AGL: variants seen among roughly 807,000 people sequenced by gnomAD.
The protein encoded by AGL is amylo-alpha-1,6-glucosidase and 4-alpha-glucanotransferase.
AGL carries 128 observed loss-of-function variants against 199.3 expected under a neutral mutation model. That is an observed-to-expected ratio of 0.64 (90% CI 0.56 to 0.74). AGL has a LOEUF of 0.74. Ranked by LOEUF, AGL falls within the 30% of genes least tolerant of loss-of-function variation. The pLI is 0.00. For synonymous variants in AGL, 584 were observed against 594.7 expected (o/e 0.98, Z 0.26); for missense variants, 1,809 against 1,820.8 (o/e 0.99, Z 0.12).
rs1570441916 is a variant in AGL, at chr1:99,879,905, T to A, written c.1612-18T>A. Reference sequence around the variant, plus strand: ...CTGTTACATTTATTTGTTACATTTGTCACTGTGCTTTTTACAGTACATGTT... The same window carrying A: ...CTGTTACATTTATTTGTTACATTTGACACTGTGCTTTTTACAGTACATGTT... On this transcript the variant is annotated intron_variant, in intron 12 of 33. Transcript: ENST00000361915. 5.0e-6 allele frequency: 8 copies of A among 1,589,328 alleles called. No individual in the cohort carries two copies. The highest frequency in any genetic ancestry group is 6.9e-6 in the Non-Finnish European group (8 of 1,157,670).
intron 7 of AGL, among the ~76,000 whole-genome samples, chr1:99,873,107 C>G (rs769730144): frequency 3.9e-5 from 6 of 151,940 alleles, no homozygotes; most frequent in Admixed American, 6.6e-5. Flanking sequence ...TTAGAAAAGA[C>G]CTTCCATCAA....
chr1:99,852,351 C>CTT (rs11363065), intron 2 of AGL, among the ~76,000 whole-genome samples: 1 of 97,552 alleles, frequency 1.0e-5, no homozygotes, highest in Non-Finnish European at 1.9e-5. Flanking sequence ...GCATTCATTT[C>CTT]TTTTTTTTTT....
intron 7 of AGL, among the ~76,000 whole-genome samples, chr1:99,871,683 A>T (rs1406492918): frequency 1.3e-5 from 2 of 152,178 alleles, no homozygotes; most frequent in Admixed American, 1.3e-4. Context: ...AACTTTTGCA[A>T]TTGTGTAACA....
intron 27 of AGL, among the ~76,000 whole-genome samples, chr1:99,907,822 C>G (rs894640232): frequency 6.6e-6 from 1 of 151,290 alleles, no homozygotes; most frequent in African/African-American, 2.4e-5. Flanking sequence ...CATATATCTT[C>G]TTTGGAGAAA....
chr1:99,871,296 G>A (rs563483656), intron 7 of AGL, among the ~76,000 whole-genome samples: 8 of 152,048 alleles, frequency 5.3e-5, no homozygotes, highest in Non-Finnish European at 7.4e-5. Context: ...CTGATTTTGC[G>A]CACTATTAAG....
chr1:99,868,580 C>A (rs140653958), intron 5 of AGL, among the ~76,000 whole-genome samples: 1 of 152,000 alleles, frequency 6.6e-6, no homozygotes. Flanking sequence ...CCACTGTACT[C>A]CAGCCTGGGT....
At chr1:99,886,027 AAAGATTATAAT>A (rs1652423934) in intron 20 of AGL, among the ~76,000 whole-genome samples, 1 of 152,188 alleles carries the variant, frequency 6.6e-6, no homozygotes, top group South Asian at 2.1e-4. Flanking sequence ...TTTTCTCCAG[AAAGATTATAAT>A]AATTAATACT....
intron 17 of AGL, among the ~76,000 whole-genome samples, chr1:99,881,946 A>G (rs1652067958): frequency 6.6e-6 from 1 of 151,944 alleles, no homozygotes; most frequent in Non-Finnish European, 1.5e-5. Context: ...CAGTCTCAGC[A>G]TTATGGTAAC....
intron 25 of AGL, among the ~76,000 whole-genome samples, chr1:99,897,432 C>T (rs1043945345): frequency 2.6e-5 from 4 of 152,160 alleles, no homozygotes; most frequent in Non-Finnish European, 5.9e-5. Flanking sequence ...GGCATTTATA[C>T]GATACCTTGT....
intron 12 of AGL, 91 bp downstream of exon 12, chr1:99,877,919 T>G: frequency 7.9e-7 from 1 of 1,266,634 alleles, no homozygotes; most frequent in South Asian, 1.2e-5. Flanking sequence ...AAATGTTTCC[T>G]TTTGCTAGTT....
At chr1:99,912,363 G>A in intron 28 of AGL, 42 bp from the exon 29 acceptor site, 1 of 1,502,190 alleles carries the variant, frequency 6.7e-7, no homozygotes, top group Non-Finnish European at 9.3e-7. Flanking sequence ...AGTACTTAAA[G>A]GACGCCAACT....
chr1:99,902,168 C>T (rs1037012865), intron 26 of AGL, among the ~76,000 whole-genome samples: 13 of 151,826 alleles, frequency 8.6e-5, no homozygotes, highest in Non-Finnish European at 1.6e-4. Flanking sequence ...TCCCAAATGT[C>T]ATCCTGAGTA....
rs569085921 is a variant in AGL, at chr1:99,897,756, C to A, written c.3362+1368C>A. ...GCCAGCTTCTAATCCTGGTTCCAAA[C>A]TACCAACTGACAAATTACCTTACTG... On this transcript the variant is annotated intron_variant, in intron 25 of 33. Coordinates refer to ENST00000361915, the MANE Select transcript of AGL (RefSeq NM_000642.3). 4.6e-5 allele frequency among the ~76,000 whole-genome samples: 7 copies of A among 152,324 alleles called. No homozygotes were observed. The East Asian group carries it at 1.2e-3, about 25-fold the overall frequency.
intron 17 of AGL, among the ~76,000 whole-genome samples, chr1:99,883,401 C>T (rs1205122130): frequency 6.6e-6 from 1 of 151,956 alleles, no homozygotes; most frequent in African/African-American, 2.4e-5. Context: ...ATATTTATTA[C>T]AACATTATTT....
At chr1:99,894,194 A>G (rs981778751) in intron 24 of AGL, among the ~76,000 whole-genome samples, 1 of 152,144 alleles carries the variant, frequency 6.6e-6, no homozygotes, top group African/African-American at 2.4e-5. Context: ...CTCAAAAAAA[A>G]AAAAAAATTT....
intron 5 of AGL, 58 bp downstream of exon 5, chr1:99,864,647 T>C: frequency 1.4e-6 from 2 of 1,399,032 alleles, no homozygotes; most frequent in East Asian, 2.3e-5. Flanking sequence ...CACACACACA[T>C]ATACACACAA....
At chr1:99,851,449 G>A (rs1409543432) in intron 2 of AGL, among the ~76,000 whole-genome samples, 1 of 152,074 alleles carries the variant, frequency 6.6e-6, no homozygotes, top group African/African-American at 2.4e-5. Context: ...TTAAAACTTG[G>A]TAAATTACTT....
intron 12 of AGL, among the ~76,000 whole-genome samples, 194 bp from the exon 13 acceptor site, chr1:99,879,729 A>G (rs1038841740): frequency 3.3e-5 from 5 of 152,062 alleles, no homozygotes; most frequent in African/African-American, 1.2e-4. Flanking sequence ...TCTTTGCAAA[A>G]TCTAATCTTC....
Position 99,875,533 on chromosome 1 carries a change from G to A in AGL, c.1283+78G>A, listed in dbSNP as rs1473850248. ...TTTAACTTTTGAAATTAACCTAAATGTTTTCTTTAACATGTGAGTTCAGTA... is the reference window on the plus strand; with the variant it reads ...TTTAACTTTTGAAATTAACCTAAATATTTTCTTTAACATGTGAGTTCAGTA... On this transcript the variant is annotated intron_variant, in intron 10 of 33. Coordinates refer to ENST00000361915, the MANE Select transcript of AGL (RefSeq NM_000642.3). 6 of 1,249,030 alleles carry A rather than the reference G, an allele frequency of 4.8e-6. No individual in the cohort carries two copies. The East Asian group carries it at 1.4e-4, about 30-fold the overall frequency. The allele number at this position is 1,249,030 out of a possible 1,614,324, so 77.4% of individuals were successfully genotyped here. A position where few individuals can be genotyped will look rare whatever the true frequency, so the allele number is the denominator to read the frequency against.
Sources: gnomAD v4.1 joint callset for allele counts (sites outside exome capture counted in the v4.1 genomes callset) on GRCh38, gnomAD v4.1.1 for gene constraint, MANE v1.5 for transcripts, NCBI Gene and HGNC (gene_info 2026-07-23, HGNC 2026-07-21) for gene names.